ERC1: variants seen among roughly 807,000 people sequenced by gnomAD.
ERC1 encodes the protein ELKS/RAB6-interacting/CAST family member 1, also known as RAB6 interacting protein 2.
In ERC1, 56 loss-of-function variants were observed where a neutral mutation model predicts 132.0. The ratio of observed to expected loss-of-function variants is 0.42; its 90% confidence interval spans 0.34 to 0.53. The LOEUF (loss-of-function observed/expected upper bound fraction) is 0.53. Ranked by LOEUF, ERC1 falls within the 20% of genes least tolerant of loss-of-function variation. The probability of loss-of-function intolerance (pLI) is 0.03; values close to 1 mark genes in which losing one functional copy is unlikely to be tolerated. For synonymous variants in ERC1, 478 were observed against 476.1 expected (o/e 1.00, Z -0.05); for missense variants, 1,202 against 1,349.9 (o/e 0.89, Z 1.72).
In ERC1 at chr12:1,197,367, G is replaced by C. The variant is rs150014174; in HGVS notation, c.2351+7315G>C. On this transcript the variant is annotated intron_variant, in intron 12 of 18. Coordinates refer to ENST00000360905, the MANE Select transcript of ERC1 (RefSeq NM_178040.4). ...AGCAGAGTCATGCCTAACAATTCCA[G>C]TGTCTGTCTCTCCTTCCTGAAAAGA... Among the ~76,000 whole-genome samples the C allele has an allele frequency of 6.8e-3, 1,037 of 152,176 alleles. 4 individuals carry two copies. Among genetic ancestry groups the C allele is most frequent in the Non-Finnish European group, 0.011 (717 of 67,988 alleles).
chr12:1,237,555 C>G (rs1305720350), intron 13 of ERC1, among the ~76,000 whole-genome samples: 2 of 152,202 alleles, frequency 1.3e-5, no homozygotes, highest in Non-Finnish European at 2.9e-5. Flanking sequence ...TCTGGTCATT[C>G]ATTTTGTTCT....
Position 1,083,300 on chromosome 12 carries a change from G to A in ERC1, c.806G>A (p.Arg269Lys). The change falls in exon 3 of 19, where the codon AGG (arginine) becomes AAG (lysine). Residue 269 changes from arginine (R) to lysine (K), a missense_variant. Physicochemically the swap from Arg to Lys is conservative, Grantham distance 26. Transcript: ENST00000360905. ...GAGCTGACAGAGGAGAACTTTCAGA[G>A]GCTTCATGCTGAGCATGAGCGGCAG... is the stretch of plus-strand genomic sequence containing the variant. ...VAELTEENFQ[R>K]LHAEHERQAK... is the part of the protein sequence containing the mutation. The A allele has an allele frequency of 6.2e-7, 1 of 1,614,202 alleles. No individual in the cohort carries two copies.
chr12:1,077,750 T>G (rs2154185893), intron 2 of ERC1, among the ~76,000 whole-genome samples: 1 of 152,324 alleles, frequency 6.6e-6, no homozygotes, highest in Non-Finnish European at 1.5e-5. Flanking sequence ...TGGTTGATCA[T>G]TATAGATGTC....
chr12:1,262,496 C>CCATA (rs897076500), intron 13 of ERC1, among the ~76,000 whole-genome samples: 1 of 152,188 alleles, frequency 6.6e-6, no homozygotes, highest in Non-Finnish European at 1.5e-5. Context: ...TATGAGAAAA[C>CCATA]CATACATTCT....
chr12:1,182,922 C>A (rs937262272), intron 10 of ERC1, among the ~76,000 whole-genome samples: 2 of 152,202 alleles, frequency 1.3e-5, no homozygotes, highest in Non-Finnish European at 2.9e-5. Context: ...CTGTCTCAGC[C>A]TCCCAAAATG....
intron 18 of ERC1, among the ~76,000 whole-genome samples, chr12:1,477,489 G>T (rs1403632996): frequency 6.6e-6 from 1 of 152,196 alleles, no homozygotes; most frequent in Non-Finnish European, 1.5e-5. Context: ...GGGAAGAAAT[G>T]TTGGGGCAGG....
intron 2 of ERC1, among the ~76,000 whole-genome samples, chr12:1,043,003 G>A (rs1970504770): frequency 6.6e-6 from 1 of 150,380 alleles, no homozygotes; most frequent in Non-Finnish European, 1.5e-5. Flanking sequence ...GTTATCTATG[G>A]TACAGAGTAT....
intron 16 of ERC1, among the ~76,000 whole-genome samples, chr12:1,385,228 C>T (rs780657158): frequency 1.3e-5 from 2 of 152,200 alleles, no homozygotes; most frequent in Non-Finnish European, 2.9e-5. Context: ...ATGAAAGATT[C>T]TTATAAATCA....
At chr12:1,403,622 G>C (rs375084524) in intron 16 of ERC1, among the ~76,000 whole-genome samples, 1 of 152,036 alleles carries the variant, frequency 6.6e-6, no homozygotes, top group African/African-American at 2.4e-5. Context: ...TTCATTCTCT[G>C]ACGTGGATCA....
chr12:1,484,317 ATTC>A (rs1436067614), intron 18 of ERC1, among the ~76,000 whole-genome samples: 1 of 151,888 alleles, frequency 6.6e-6, no homozygotes, highest in East Asian at 2.0e-4. Context: ...AAAAAAAAAA[ATTC>A]TTTGTTCCTA....
At chr12:1,196,945 CACACACACACACACACATATAT>C (rs1566214553) in intron 12 of ERC1, among the ~76,000 whole-genome samples, 3 of 39,194 alleles carry the variant, frequency 7.7e-5, no homozygotes, top group East Asian at 3.6e-4. Flanking sequence ...CACACACACA[CACACACACACACACACATATAT>C]ATATATATAT....
intron 8 of ERC1, among the ~76,000 whole-genome samples, chr12:1,179,632 C>T (rs1158521961): frequency 6.6e-6 from 1 of 150,660 alleles, no homozygotes; most frequent in East Asian, 1.9e-4. Flanking sequence ...CTCAGCCTCC[C>T]AAGTAGCTGG....
intron 15 of ERC1, among the ~76,000 whole-genome samples, chr12:1,352,902 A>G (rs1401981377): frequency 6.6e-6 from 1 of 152,160 alleles, no homozygotes. Flanking sequence ...TTTAAGTTTG[A>G]GATGGCTTTT....
intron 4 of ERC1, among the ~76,000 whole-genome samples, chr12:1,109,911 G>A (rs773182632): frequency 6.6e-6 from 1 of 152,202 alleles, no homozygotes; most frequent in Non-Finnish European, 1.5e-5. Flanking sequence ...AGCTGGGCAT[G>A]GTAGCGTACA....
At chr12:1,218,788 C>G (rs567763292) in intron 12 of ERC1, among the ~76,000 whole-genome samples, 1 of 151,620 alleles carries the variant, frequency 6.6e-6, no homozygotes, top group East Asian at 1.9e-4. Context: ...TCCTCTAGAC[C>G]TCTAAAAGGC....
chr12:1,394,291 T>G (rs1040207622), intron 16 of ERC1, among the ~76,000 whole-genome samples: 1 of 151,510 alleles, frequency 6.6e-6, no homozygotes, highest in Non-Finnish European at 1.5e-5. Context: ...TCCCAGCTAC[T>G]GGGGAGGCTG....
In ERC1 at chr12:1,246,718, C is replaced by A. The variant is rs184457002; in HGVS notation, c.2487+9814C>A. Among the ~76,000 whole-genome samples, 45 of 152,320 alleles carry A rather than the reference C, an allele frequency of 3.0e-4. No individual in the cohort carries two copies. The East Asian group carries it at 6.9e-3, about 23-fold the overall frequency. On this transcript the variant is annotated intron_variant, in intron 13 of 18. Transcript: ENST00000360905. ...CATTGACCTCATGAACCCCTTGATA[C>A]AAGGCACTGAGAGGGACACAATATC...
chr12:1,250,151 T>C (rs1302663142), intron 13 of ERC1, among the ~76,000 whole-genome samples: 1 of 152,218 alleles, frequency 6.6e-6, no homozygotes, highest in African/African-American at 2.4e-5. Context: ...CTTCTCTGTT[T>C]TACACAAGCT....
intron 1 of ERC1, among the ~76,000 whole-genome samples, chr12:1,020,476 A>G (rs1966189676): frequency 6.6e-6 from 1 of 152,124 alleles, no homozygotes. Context: ...AAACAAAAAG[A>G]AACAAACATC....
Sources: gnomAD v4.1 joint callset for allele counts (sites outside exome capture counted in the v4.1 genomes callset) on GRCh38, gnomAD v4.1.1 for gene constraint, MANE v1.5 for transcripts, NCBI Gene and HGNC (gene_info 2026-07-23, HGNC 2026-07-21) for gene names.